EPHA3: variants seen among roughly 807,000 people sequenced by gnomAD.
The protein encoded by EPHA3 is EPH receptor A3.
A neutral mutation model predicts 107.1 loss-of-function variants in EPHA3; 42 were observed. That is an observed-to-expected ratio of 0.39 (90% CI 0.31 to 0.51). EPHA3 has a LOEUF of 0.51. EPHA3 is among the 20% of genes least tolerant of loss of function. The probability of loss-of-function intolerance (pLI) is 0.78; values close to 1 mark genes in which losing one functional copy is unlikely to be tolerated. For synonymous variants in EPHA3, 461 were observed against 424.8 expected, an observed-to-expected ratio of 1.09 and a Z score of -1.05; for missense variants, 1,183 against 1,211.2, an observed-to-expected ratio of 0.98 and a Z score of 0.35.
chr3:89,471,711 A>G (rs1459023986), intron 15 of EPHA3, among the ~76,000 whole-genome samples: 1 of 151,046 alleles, frequency 6.6e-6, no homozygotes, highest in African/African-American at 2.4e-5. Context: ...CACAATTACA[A>G]TCCCTCTCTG....
At chr3:89,397,535 T>C (rs1303784627) in intron 6 of EPHA3, among the ~76,000 whole-genome samples, 1 of 151,986 alleles carries the variant, frequency 6.6e-6, no homozygotes, top group East Asian at 1.9e-4. Flanking sequence ...AGAAATATGC[T>C]GCCTTATTTC....
intron 3 of EPHA3, among the ~76,000 whole-genome samples, chr3:89,286,238 T>C (rs1438985563): frequency 6.7e-6 from 1 of 149,546 alleles, no homozygotes; most frequent in Non-Finnish European, 1.5e-5. Context: ...CTACGTGAAG[T>C]AGGGAGAGAG....
chr3:89,139,517 T>C (rs1576177611), intron 2 of EPHA3, among the ~76,000 whole-genome samples: 1 of 151,848 alleles, frequency 6.6e-6, no homozygotes, highest in East Asian at 1.9e-4. Flanking sequence ...AAATAAGCCA[T>C]AAAAATATTA....
At chr3:89,272,621 T>C (rs1349309371) in intron 3 of EPHA3, among the ~76,000 whole-genome samples, 2 of 151,976 alleles carry the variant, frequency 1.3e-5, no homozygotes. Flanking sequence ...ATTTCTCATT[T>C]TTCTAGTTGT....
At chr3:89,328,452 A>T (rs1707218391) in intron 3 of EPHA3, among the ~76,000 whole-genome samples, 1 of 152,226 alleles carries the variant, frequency 6.6e-6, no homozygotes, top group Non-Finnish European at 1.5e-5. Context: ...TGAAACTAAC[A>T]GTCACTGGAA....
chr3:89,475,297 T>A (rs181361691), intron 16 of EPHA3, among the ~76,000 whole-genome samples: 43 of 152,318 alleles, frequency 2.8e-4, no homozygotes, highest in African/African-American at 1.0e-3. Flanking sequence ...TCAGTCTGTA[T>A]TTTCTTTGTG....
chr3:89,219,761 T>G (rs1214582160), intron 3 of EPHA3, among the ~76,000 whole-genome samples: 1 of 114,218 alleles, frequency 8.8e-6, no homozygotes, highest in Non-Finnish European at 1.8e-5. Flanking sequence ...CAGGCTGGAG[T>G]GCAGTGGCGG....
intron 2 of EPHA3, among the ~76,000 whole-genome samples, chr3:89,160,370 A>G (rs1440142092): frequency 6.6e-6 from 1 of 152,120 alleles, no homozygotes; most frequent in African/African-American, 2.4e-5. Context: ...TGATGGTAAT[A>G]TTTAGATTGT....
At chr3:89,352,898 G>C (rs1316991525) in intron 5 of EPHA3, among the ~76,000 whole-genome samples, 3 of 96,086 alleles carry the variant, frequency 3.1e-5, no homozygotes, top group Non-Finnish European at 3.6e-5. Flanking sequence ...GCAAGACTCT[G>C]TCTCAAAAAA....
At chr3:89,358,509 T>C (rs1256231354) in intron 5 of EPHA3, among the ~76,000 whole-genome samples, 2 of 151,064 alleles carry the variant, frequency 1.3e-5, no homozygotes, top group Non-Finnish European at 3.0e-5. Context: ...TAAGATGTAG[T>C]CACTACTTTC....
At chr3:89,230,645 G>C (rs905273058) in intron 3 of EPHA3, among the ~76,000 whole-genome samples, 1 of 151,698 alleles carries the variant, frequency 6.6e-6, no homozygotes, top group African/African-American at 2.4e-5. Context: ...TTTGTGTTTC[G>C]GGCAGTATCA....
At chr3:89,468,799 C>A (rs1261729463) in intron 15 of EPHA3, among the ~76,000 whole-genome samples, 1 of 152,084 alleles carries the variant, frequency 6.6e-6, no homozygotes, top group African/African-American at 2.4e-5. Context: ...CTATTTCACT[C>A]ATGATAACTA....
intron 6 of EPHA3, among the ~76,000 whole-genome samples, chr3:89,397,833 T>A (rs1708881492): frequency 6.6e-6 from 1 of 152,196 alleles, no homozygotes; most frequent in Non-Finnish European, 1.5e-5. Context: ...TCCACCCGCC[T>A]GGGCCTCCCA....
At chr3:89,117,286 G>T (rs966597181) in intron 1 of EPHA3, among the ~76,000 whole-genome samples, 7 of 152,024 alleles carry the variant, frequency 4.6e-5, no homozygotes, top group Admixed American at 4.6e-4. Context: ...TTTTGCCTAT[G>T]ATAAAGTTGA....
intron 5 of EPHA3, among the ~76,000 whole-genome samples, chr3:89,391,421 C>CTTTCTTTTCT (rs1553689269): frequency 0.012 from 1,373 of 116,004 alleles, 23 homozygotes; most frequent in Admixed American, 0.019. Context: ...TCTTTCTTTT[C>CTTTCTTTTCT]TTTTTTTTTT....
intron 13 of EPHA3, among the ~76,000 whole-genome samples, chr3:89,447,380 T>C (rs1709895380): frequency 6.6e-6 from 1 of 152,170 alleles, no homozygotes; most frequent in African/African-American, 2.4e-5. Flanking sequence ...TTCTCTGCAC[T>C]GTTTCTTGCA....
intron 3 of EPHA3, among the ~76,000 whole-genome samples, chr3:89,284,088 T>C (rs571998451): frequency 6.6e-6 from 1 of 152,266 alleles, no homozygotes; most frequent in South Asian, 2.1e-4. Context: ...GAAACTGTTA[T>C]CAAAGTAATT....
chr3:89,236,054 A>G (rs1704752684), intron 3 of EPHA3, among the ~76,000 whole-genome samples: 1 of 152,068 alleles, frequency 6.6e-6, no homozygotes, highest in Non-Finnish European at 1.5e-5. Flanking sequence ...AAACTGTTTC[A>G]TTGTGAATAT....
At chr3:89,316,677 C>T (rs1706914575) in intron 3 of EPHA3, among the ~76,000 whole-genome samples, 1 of 150,998 alleles carries the variant, frequency 6.6e-6, no homozygotes, top group East Asian at 2.0e-4. Context: ...TTTGGTGATA[C>T]TTAATGCTCT....
Sources: gnomAD v4.1 joint callset for allele counts (sites outside exome capture counted in the v4.1 genomes callset) on GRCh38, gnomAD v4.1.1 for gene constraint, MANE v1.5 for transcripts, NCBI Gene and HGNC (gene_info 2026-07-23, HGNC 2026-07-21) for gene names.